The following TNR variants were observed in gnomAD, a reference collection of about 807,000 sequenced individuals.
TNR encodes the protein tenascin R, also known as tenascin-R.
In TNR, 45 loss-of-function variants were observed where a neutral mutation model predicts 150.4. That is an observed-to-expected ratio of 0.30 (90% CI 0.24 to 0.38). The LOEUF is 0.38. Among genes scored for constraint, TNR ranks in the 10% least tolerant of loss-of-function variants. The pLI, the probability that TNR is intolerant of heterozygous loss-of-function variation, is 1.00. For missense variants in TNR, 1,544 were observed against 1,759.1 expected, an observed-to-expected ratio of 0.88 and a Z score of 2.19; for synonymous variants, 687 against 678.4, an observed-to-expected ratio of 1.01 and a Z score of -0.20.
At chr1:175,442,708 G>A (rs1655851347) in intron 2 of TNR, among the ~76,000 whole-genome samples, 1 of 151,732 alleles carries the variant, frequency 6.6e-6, no homozygotes, top group Non-Finnish European at 1.5e-5. Context: ...TAATAAATAG[G>A]AAAAGTCTTG....
chr1:175,408,503 A>G (rs1034720862), intron 2 of TNR, among the ~76,000 whole-genome samples: 3 of 152,330 alleles, frequency 2.0e-5, no homozygotes, highest in Admixed American at 6.5e-5. Context: ...ATACTAGACT[A>G]TAGTCTGTCC....
chr1:175,397,181 C>T lies in TNR; in HGVS notation c.977-374G>A, dbSNP rs115094924. 2.1e-3 allele frequency among the ~76,000 whole-genome samples: 323 copies of T among 152,234 alleles called. 2 individuals carry two copies. Among genetic ancestry groups the T allele is most frequent in the Non-Finnish European group, 3.3e-3 (227 of 68,024 alleles). On this transcript the variant is annotated intron_variant, in intron 4 of 22. Transcript: ENST00000367674. ...GGTAATAGATATTCAAAATTTATCACTCTCAAATTATTTGACTACATTTTA... is the reference window on the plus strand; with the variant it reads ...GGTAATAGATATTCAAAATTTATCATTCTCAAATTATTTGACTACATTTTA...
chr1:175,365,047 T>A lies in TNR; in HGVS notation c.2550A>T (p.Thr850=). The change falls in exon 12 of 23, where the codon ACA becomes ACT. Residue 850 remains threonine (T), a synonymous_variant. Coordinates refer to ENST00000367674, the MANE Select transcript of TNR (RefSeq NM_003285.3). ...AGCCCACAATGGGCTCAGAGGTCACTGTGCCATGGACAGCCACAAGGTTCA... is the reference window on the plus strand; with the variant it reads ...AGCCCACAATGGGCTCAGAGGTCACAGTGCCATGGACAGCCACAAGGTTCA... The part of the protein sequence containing the change: ...YIVNLVAVHG[T]VTSEPIVGSI... 3.1e-6 allele frequency: 5 copies of A among 1,613,726 alleles called. No homozygotes were observed. Among genetic ancestry groups the A allele is most frequent in the African/African-American group, 1.3e-5 (1 of 75,038 alleles).
chr1:175,433,038 T>A (rs926449162), intron 2 of TNR, among the ~76,000 whole-genome samples: 1 of 152,104 alleles, frequency 6.6e-6, no homozygotes, highest in Admixed American at 6.6e-5. Context: ...GACTGGAGCA[T>A]GGGCATGATG....
At chr1:175,338,879 C>G (rs1650376704) in intron 18 of TNR, among the ~76,000 whole-genome samples, 1 of 152,132 alleles carries the variant, frequency 6.6e-6, no homozygotes. Context: ...GGAAGGCCCC[C>G]CTGGAGATGT....
chr1:175,553,141 A>G (rs1661010143), intron 1 of TNR, among the ~76,000 whole-genome samples: 1 of 152,338 alleles, frequency 6.6e-6, no homozygotes, highest in Middle Eastern at 3.4e-3. Flanking sequence ...TTCCTCAAGC[A>G]CACACTAAGT....
chr1:175,430,583 A>T (rs145068666), intron 2 of TNR, among the ~76,000 whole-genome samples: 8 of 152,174 alleles, frequency 5.3e-5, no homozygotes, highest in African/African-American at 1.9e-4. Context: ...ACACCTTTTT[A>T]TCTGACAGGT....
intron 1 of TNR, among the ~76,000 whole-genome samples, chr1:175,679,270 T>C (rs1293893267): frequency 1.3e-5 from 2 of 152,220 alleles, no homozygotes; most frequent in African/African-American, 4.8e-5. Flanking sequence ...CTAGACTTTA[T>C]ACATCCTCCT....
At chr1:175,579,426 C>A (rs914899406) in intron 1 of TNR, among the ~76,000 whole-genome samples, 1 of 151,702 alleles carries the variant, frequency 6.6e-6, no homozygotes, top group African/African-American at 2.4e-5. Context: ...AGGTTCAATA[C>A]GGAAGATAGG....
At chr1:175,577,836 A>AT (rs1460284372) in intron 1 of TNR, among the ~76,000 whole-genome samples, 3 of 152,196 alleles carry the variant, frequency 2.0e-5, no homozygotes, top group African/African-American at 7.2e-5. Context: ...CCTATTAGAA[A>AT]TGAGTTTCAC....
At chr1:175,375,789 T>A (rs1652349696) in intron 9 of TNR, among the ~76,000 whole-genome samples, 1 of 152,176 alleles carries the variant, frequency 6.6e-6, no homozygotes, top group South Asian at 2.1e-4. Flanking sequence ...AGGTCTGAGC[T>A]TTGTGAGGAT....
chr1:175,337,389 G>T, intron 19 of TNR, 139 bp downstream of exon 19: 1 of 972,202 alleles, frequency 1.0e-6, no homozygotes, highest in African/African-American at 1.6e-5. Flanking sequence ...TGAGGGCAAT[G>T]AGGAGCCCCA....
At chr1:175,692,237 T>C (rs957741612) in intron 1 of TNR, among the ~76,000 whole-genome samples, 5 of 151,320 alleles carry the variant, frequency 3.3e-5, no homozygotes, top group African/African-American at 7.3e-5. Context: ...AGGGAAAACA[T>C]GGTCTGGGTC....
intron 1 of TNR, among the ~76,000 whole-genome samples, chr1:175,633,052 G>C (rs1011207495): frequency 1.3e-5 from 2 of 152,036 alleles, no homozygotes; most frequent in South Asian, 2.1e-4. Flanking sequence ...CCTCTATCTG[G>C]AATACCCACC....
chr1:175,510,255 T>C (rs1290277657), intron 2 of TNR, among the ~76,000 whole-genome samples: 2 of 152,092 alleles, frequency 1.3e-5, no homozygotes, highest in Admixed American at 6.5e-5. Context: ...AAATGAAATG[T>C]ATTTAAGGGT....
At chr1:175,555,534 A>G (rs1360768449) in intron 1 of TNR, among the ~76,000 whole-genome samples, 1 of 137,960 alleles carries the variant, frequency 7.2e-6, no homozygotes, top group Non-Finnish European at 1.6e-5. Flanking sequence ...AAAAAAAAAA[A>G]TCTCCTCAGG....
chr1:175,498,363 T>C (rs1428626025), intron 2 of TNR, among the ~76,000 whole-genome samples: 1 of 152,216 alleles, frequency 6.6e-6, no homozygotes, highest in Non-Finnish European at 1.5e-5. Flanking sequence ...AGGTGAGTCT[T>C]TCCCTTTCTT....
rs377507444 is a variant in TNR at position 175,480,852 on chromosome 1, A to T, written c.-64+47417T>A. Among the ~76,000 whole-genome samples, 5 of 152,224 alleles carry T rather than the reference A, an allele frequency of 3.3e-5. 1 individual carries two copies. Among genetic ancestry groups the T allele is most frequent in the African/African-American group, 1.2e-4 (5 of 41,528 alleles). ...TGCCTTTTTTAGCTCTTTGAGTCTC[A>T]TTGTACTACCTCATGTTAGAAGCAT... On this transcript the variant is annotated intron_variant, in intron 2 of 22. Transcript: ENST00000367674.
chr1:175,389,062 C>T (rs1243636520), intron 7 of TNR, among the ~76,000 whole-genome samples: 1 of 152,188 alleles, frequency 6.6e-6, no homozygotes, highest in Admixed American at 6.5e-5. Context: ...ACAGGAATAA[C>T]TTGGGCACCT....
Sources: gnomAD v4.1 joint callset for allele counts (sites outside exome capture counted in the v4.1 genomes callset) on GRCh38, gnomAD v4.1.1 for gene constraint, MANE v1.5 for transcripts, NCBI Gene and HGNC (gene_info 2026-07-23, HGNC 2026-07-21) for gene names.